NPAS3: variants seen among roughly 807,000 people sequenced by gnomAD.
NPAS3 encodes the protein neuronal PAS domain protein 3.
Under a neutral mutation model 73.1 loss-of-function variants are expected in NPAS3, and 14 were observed. That is an observed-to-expected ratio of 0.19 (90% confidence interval 0.13 to 0.30). The LOEUF (loss-of-function observed/expected upper bound fraction) is 0.30. Ranked by LOEUF, NPAS3 falls within the 10% of genes least tolerant of loss-of-function variation. The pLI is 1.00. For missense variants in NPAS3, 1,096 were observed against 1,250.0 expected (o/e 0.88, Z 1.86); for synonymous variants, 620 against 541.5 (o/e 1.14, Z -2.01).
intron 3 of NPAS3, among the ~76,000 whole-genome samples, chr14:33,277,983 G>C (rs1041574687): frequency 2.0e-5 from 3 of 152,096 alleles, no homozygotes; most frequent in Admixed American, 1.3e-4. Context: ...GCAGAGGTTC[G>C]GGTGAGAGAG....
chr14:33,275,999 A>C (rs1241250649), intron 3 of NPAS3, among the ~76,000 whole-genome samples: 1 of 152,048 alleles, frequency 6.6e-6, no homozygotes, highest in East Asian at 1.9e-4. Flanking sequence ...GGGTACCTAC[A>C]TTGGTTTGAC....
At chr14:33,683,137 A>G (rs1266760223) in intron 6 of NPAS3, among the ~76,000 whole-genome samples, 1 of 152,182 alleles carries the variant, frequency 6.6e-6, no homozygotes, top group East Asian at 1.9e-4. Flanking sequence ...TAATACAGTG[A>G]TATTTGCAGG....
intron 4 of NPAS3, among the ~76,000 whole-genome samples, chr14:33,386,642 C>A (rs2046786822): frequency 6.6e-6 from 1 of 151,918 alleles, no homozygotes. Context: ...TATTGGGAAC[C>A]CATTTATCAA....
At chr14:33,272,519 C>A (rs1017730774) in intron 3 of NPAS3, among the ~76,000 whole-genome samples, 1 of 152,060 alleles carries the variant, frequency 6.6e-6, no homozygotes, top group Non-Finnish European at 1.5e-5. Flanking sequence ...CAGATTCAAG[C>A]AATTCTCTTC....
chr14:33,695,838 C>T (rs1566435998), intron 6 of NPAS3, among the ~76,000 whole-genome samples: 1 of 152,152 alleles, frequency 6.6e-6, no homozygotes. Flanking sequence ...AAAACTTTAG[C>T]TGATCATTAA....
chr14:33,556,746 G>T (rs571173815), intron 4 of NPAS3, among the ~76,000 whole-genome samples: 2 of 152,214 alleles, frequency 1.3e-5, no homozygotes, highest in African/African-American at 4.8e-5. Context: ...TAGCCTCTCT[G>T]TGCCTCAGTT....
chr14:33,238,994 G>T (rs1412421401), intron 3 of NPAS3, among the ~76,000 whole-genome samples: 1 of 151,890 alleles, frequency 6.6e-6, no homozygotes, highest in East Asian at 1.9e-4. Context: ...CACATTTGAG[G>T]TTATGTCAGT....
intron 2 of NPAS3, among the ~76,000 whole-genome samples, chr14:33,071,540 A>G (rs2041485475): frequency 6.6e-6 from 1 of 152,224 alleles, no homozygotes. Flanking sequence ...TAAGATTATT[A>G]AAACAAAGCT....
intron 3 of NPAS3, among the ~76,000 whole-genome samples, chr14:33,288,314 T>C (rs537110666): frequency 1.2e-4 from 18 of 152,146 alleles, no homozygotes; most frequent in Non-Finnish European, 2.5e-4. Flanking sequence ...TCAATATGTG[T>C]TAAGGCCAGA....
At chr14:33,714,845 G>T (rs1001596782) in intron 6 of NPAS3, among the ~76,000 whole-genome samples, 2 of 152,238 alleles carry the variant, frequency 1.3e-5, no homozygotes, top group South Asian at 4.1e-4. Context: ...TCTTAAAATG[G>T]ATGGGGTCTT....
In NPAS3 at chr14:32,978,006, G is replaced by A. The variant is rs533833802; in HGVS notation, c.50+38640G>A. Among the ~76,000 whole-genome samples, 250 of 152,272 alleles carry A rather than the reference G, an allele frequency of 1.6e-3. 1 individual carries two copies. Among genetic ancestry groups the A allele is most frequent in the African/African-American group, 5.3e-3 (221 of 41,552 alleles). On this transcript the variant is annotated intron_variant, in intron 1 of 11. Transcript: ENST00000356141. The stretch of plus-strand genomic sequence containing the variant: ...TAATATTGATTGAGCCTACATGTGC[G>A]TGACACTGTGCAAGCCAGTTTATTA...
chr14:33,532,017 C>T (rs2054068266), intron 4 of NPAS3, among the ~76,000 whole-genome samples: 1 of 152,104 alleles, frequency 6.6e-6, no homozygotes, highest in East Asian at 1.9e-4. Context: ...GGGCTGTTTG[C>T]TGCATTCAGT....
chr14:33,546,355 C>T lies in NPAS3; in HGVS notation c.469-13766C>T, dbSNP rs1037243072. 3.3e-5 allele frequency among the ~76,000 whole-genome samples: 5 copies of T among 152,332 alleles called. No homozygotes were observed. In the East Asian group the frequency reaches 9.6e-4, roughly 29 times the overall value. On this transcript the variant is annotated intron_variant, in intron 4 of 11. Transcript: ENST00000356141. Reference sequence around the variant, plus strand: ...TCCAACACCGCAACACTTCCTCTACCAGGCATCACCCTGTAGCTAAGTGTT... The same window carrying T: ...TCCAACACCGCAACACTTCCTCTACTAGGCATCACCCTGTAGCTAAGTGTT...
intron 4 of NPAS3, among the ~76,000 whole-genome samples, chr14:33,437,453 C>T (rs2049037178): frequency 6.6e-6 from 1 of 152,124 alleles, no homozygotes; most frequent in African/African-American, 2.4e-5. Flanking sequence ...GGTCCCTGAG[C>T]TTTTATCCAC....
chr14:33,149,843 T>TA (rs1325212426), intron 2 of NPAS3, among the ~76,000 whole-genome samples: 2 of 152,180 alleles, frequency 1.3e-5, no homozygotes, highest in African/African-American at 4.8e-5. Flanking sequence ...TGTGCAGGTT[T>TA]GTTACATAGG....
chr14:33,468,479 G>C (rs17091739), intron 4 of NPAS3, among the ~76,000 whole-genome samples: 27,091 of 152,004 alleles, frequency 0.18, 2,733 homozygotes, highest in East Asian at 0.39. Context: ...TTCTTTGGAG[G>C]GTCTCTTTTT....
intron 5 of NPAS3, among the ~76,000 whole-genome samples, chr14:33,591,830 C>G (rs917413228): frequency 2.0e-5 from 3 of 152,058 alleles, no homozygotes; most frequent in African/African-American, 7.2e-5. Flanking sequence ...ATGTGACTGC[C>G]AAGAGGAAGA....
chr14:33,607,107 G>C (rs2057594086), intron 5 of NPAS3, among the ~76,000 whole-genome samples: 1 of 152,092 alleles, frequency 6.6e-6, no homozygotes, highest in Non-Finnish European at 1.5e-5. Flanking sequence ...GAGAAAAATA[G>C]TTTAGCAATT....
chr14:33,498,860 C>A (rs143509970), intron 4 of NPAS3, among the ~76,000 whole-genome samples: 371 of 150,112 alleles, frequency 2.5e-3, no homozygotes, highest in African/African-American at 7.9e-3. Context: ...ACATGCAGTA[C>A]CACATAAGGA....
Sources: gnomAD v4.1 joint callset for allele counts (sites outside exome capture counted in the v4.1 genomes callset) on GRCh38, gnomAD v4.1.1 for gene constraint, MANE v1.5 for transcripts, NCBI Gene and HGNC (gene_info 2026-07-23, HGNC 2026-07-21) for gene names.